SNX29: variants seen among roughly 807,000 people sequenced by gnomAD.
SNX29 encodes the protein sorting nexin-29.
Under a neutral mutation model 102.1 loss-of-function variants are expected in SNX29, and 78 were observed. The observed-to-expected ratio is 0.76, with a 90% CI of 0.64 to 0.92. The LOEUF (loss-of-function observed/expected upper bound fraction) is 0.92. Among genes scored for constraint, SNX29 ranks in the 40% least tolerant of loss-of-function variants. The pLI is 0.00. For synonymous variants in SNX29, 580 were observed against 414.5 expected (o/e 1.40, Z -4.85); for missense variants, 1,280 against 1,061.7 (o/e 1.21, Z -2.86).
chr16:12,345,468 C>T (rs914102892), intron 15 of SNX29, among the ~76,000 whole-genome samples: 6 of 152,186 alleles, frequency 3.9e-5, no homozygotes, highest in Non-Finnish European at 7.3e-5. Flanking sequence ...TCTATCTAGC[C>T]GTGCTCCACT....
intron 18 of SNX29, among the ~76,000 whole-genome samples, chr16:12,425,425 G>A (rs940975769): frequency 5.3e-5 from 8 of 151,480 alleles, no homozygotes; most frequent in African/African-American, 1.9e-4. Flanking sequence ...TTAGTCACCG[G>A]AGCACAGATC....
intron 20 of SNX29, among the ~76,000 whole-genome samples, chr16:12,535,281 G>GGCAT (rs996686320): frequency 6.6e-6 from 1 of 152,166 alleles, no homozygotes; most frequent in African/African-American, 2.4e-5. Flanking sequence ...TGGGATTACA[G>GGCAT]GCATGTGCCA....
intron 14 of SNX29, among the ~76,000 whole-genome samples, chr16:12,200,778 C>T (rs2076895207): frequency 6.6e-6 from 1 of 152,242 alleles, no homozygotes; most frequent in Non-Finnish European, 1.5e-5. Context: ...AGCCACCGCT[C>T]CCAGCCCACA....
At chr16:12,167,346 T>G (rs1268012011) in intron 13 of SNX29, among the ~76,000 whole-genome samples, 2 of 152,126 alleles carry the variant, frequency 1.3e-5, no homozygotes, top group Non-Finnish European at 2.9e-5. Flanking sequence ...GGGCCACCTG[T>G]CTGGCCCTCC....
At chr16:11,998,574 G>T (rs1353574786) in intron 1 of SNX29, among the ~76,000 whole-genome samples, 4 of 152,110 alleles carry the variant, frequency 2.6e-5, no homozygotes, top group Non-Finnish European at 5.9e-5. Flanking sequence ...TTTCTCTCAG[G>T]CTCATGACTT....
intron 3 of SNX29, among the ~76,000 whole-genome samples, chr16:12,009,305 T>G (rs1223328286): frequency 2.5e-4 from 38 of 152,004 alleles, no homozygotes; most frequent in Admixed American, 2.5e-3. Context: ...ATTGCTGGAT[T>G]TGGGAGCCTA....
intron 18 of SNX29, among the ~76,000 whole-genome samples, chr16:12,424,611 A>G (rs1392132699): frequency 1.3e-5 from 2 of 152,192 alleles, no homozygotes; most frequent in Non-Finnish European, 2.9e-5. Flanking sequence ...GGCTTAATTA[A>G]ATGTGAAATA....
At chr16:12,549,070 A>G (rs185699973) in intron 20 of SNX29, among the ~76,000 whole-genome samples, 45 of 152,348 alleles carry the variant, frequency 3.0e-4, no homozygotes, top group African/African-American at 9.9e-4. Context: ...GGCAGGCATC[A>G]TAGTGTTCGG....
In SNX29 at chr16:12,572,761, A is replaced by G; in HGVS notation, c.*4132A>G. 1 of 1,063,948 alleles carries G rather than the reference A, an allele frequency of 9.4e-7. No homozygotes were observed. Among genetic ancestry groups the G allele is most frequent in the Non-Finnish European group, 1.1e-6 (1 of 878,440 alleles). The allele number at this position is 1,063,948 out of a possible 1,614,324, so 65.9% of individuals were successfully genotyped here. On this transcript the variant is annotated 3_prime_UTR_variant, in exon 21 of 21. Transcript: ENST00000566228. ...AAGGGCTGGGTTTTCAGCTTCTGGG[A>G]CCCGAGGAAGACCCCACCTCACTCC... is the stretch of plus-strand genomic sequence containing the variant.
At chr16:12,302,231 A>C (rs2080195369) in intron 15 of SNX29, among the ~76,000 whole-genome samples, 1 of 152,224 alleles carries the variant, frequency 6.6e-6, no homozygotes, top group South Asian at 2.1e-4. Context: ...GAATATAAGC[A>C]AATGGCTGTG....
At chr16:12,088,169 T>C in intron 11 of SNX29, 1 of 455,290 alleles carries the variant, frequency 2.2e-6, no homozygotes, top group Admixed American at 2.4e-5. Flanking sequence ...GTGTCACTGT[T>C]TGGGCCAGGC....
chr16:12,160,695 A>G (rs900888349), intron 13 of SNX29, among the ~76,000 whole-genome samples: 1 of 108,132 alleles, frequency 9.2e-6, no homozygotes, highest in Non-Finnish European at 2.2e-5. Context: ...CATGCACTTT[A>G]AAAGGGTGAA....
chr16:12,038,163 A>ATT lies in SNX29; in HGVS notation c.248-4730_248-4729dup, dbSNP rs142623193. On this transcript the variant is annotated intron_variant, in intron 4 of 20. Coordinates refer to ENST00000566228, the MANE Select transcript of SNX29 (RefSeq NM_032167.5). Reference sequence around the variant, plus strand: ...CACTTTACATGTATTCCTATTTCTCATTTTTCCCTCATAGCAATCCATACA... The same window carrying ATT: ...CACTTTACATGTATTCCTATTTCTCATTTTTTTCCCTCATAGCAATCCATACA... 2.9e-3 allele frequency among the ~76,000 whole-genome samples: 445 copies of ATT among 152,220 alleles called. 3 individuals carry two copies. The highest frequency in any genetic ancestry group is 9.9e-3 in the African/African-American group (412 of 41,514).
At chr16:12,416,764 C>G (rs2084654988) in intron 18 of SNX29, among the ~76,000 whole-genome samples, 1 of 152,224 alleles carries the variant, frequency 6.6e-6, no homozygotes, top group African/African-American at 2.4e-5. Flanking sequence ...GTTACTCTAT[C>G]CCAACCACCA....
At position 12,473,921 on chromosome 16, in the gene SNX29, A is replaced by G. The variant is rs548629906; in HGVS notation, c.2038-3798A>G. ...GAAATAACCATAAAAATGGGCAACC[A>G]GCAGCTCTCGGGGCTGCTCTGTCTA... On this transcript the variant is annotated intron_variant, in intron 18 of 20. Coordinates refer to ENST00000566228, the MANE Select transcript of SNX29 (RefSeq NM_032167.5). 2.0e-5 allele frequency among the ~76,000 whole-genome samples: 3 copies of G among 152,328 alleles called. No homozygotes were observed. In the East Asian group the frequency reaches 5.8e-4, roughly 29 times the overall value.
chr16:12,224,236 T>C (rs1167916894), intron 14 of SNX29, among the ~76,000 whole-genome samples: 1 of 152,198 alleles, frequency 6.6e-6, no homozygotes, highest in African/African-American at 2.4e-5. Flanking sequence ...TCTCCCTTGC[T>C]CCCTGCATTC....
At chr16:12,370,370 G>A (rs2082639100) in intron 16 of SNX29, among the ~76,000 whole-genome samples, 1 of 152,174 alleles carries the variant, frequency 6.6e-6, no homozygotes, top group Non-Finnish European at 1.5e-5. Flanking sequence ...GACCAGCCTG[G>A]CCAACGTGGT....
chr16:12,437,799 C>T (rs2085604448), intron 18 of SNX29, among the ~76,000 whole-genome samples: 1 of 152,112 alleles, frequency 6.6e-6, no homozygotes, highest in African/African-American at 2.4e-5. Flanking sequence ...ATGTCTTTTT[C>T]GGCTGCACCA....
intron 15 of SNX29, among the ~76,000 whole-genome samples, chr16:12,347,289 A>T (rs977522797): frequency 2.0e-5 from 3 of 152,106 alleles, no homozygotes; most frequent in Non-Finnish European, 4.4e-5. Context: ...TGGTGGCTTT[A>T]TGGTGCGGCA....
Sources: gnomAD v4.1 joint callset for allele counts (sites outside exome capture counted in the v4.1 genomes callset) on GRCh38, gnomAD v4.1.1 for gene constraint, MANE v1.5 for transcripts, NCBI Gene and HGNC (gene_info 2026-07-23, HGNC 2026-07-21) for gene names.